Variants in MED28 observed in about 807,000 individuals in gnomAD.
The protein encoded by MED28 is mediator of RNA polymerase II transcription subunit 28.
A neutral mutation model predicts 21.3 loss-of-function variants in MED28; 26 were observed. The ratio of observed to expected loss-of-function variants is 1.22; its 90% CI spans 0.89 to 1.69. The LOEUF is 1.69. Ranked by LOEUF, MED28 falls within the 40% of genes most tolerant of loss-of-function variation. MED28 has a pLI of 0.00. For missense variants in MED28, 257 were observed against 215.4 expected, an observed-to-expected ratio of 1.19 and a Z score of -1.21; for synonymous variants, 110 against 87.6, an observed-to-expected ratio of 1.26 and a Z score of -1.43.
chr4:17,632,289 G>A lies in MED28; in HGVS notation c.*8491G>A, dbSNP rs1714977318. On this transcript the variant is annotated 3_prime_UTR_variant, in exon 4 of 4. Transcript: ENST00000237380. ...GGGGTTTCACCATATTGGCCAGGCT[G>A]GTCTCAAATTCCTGGACTCAAGCAG... is the stretch of plus-strand genomic sequence containing the variant. The A allele has an allele frequency of 3.3e-6, 1 of 303,554 alleles. No individual in the cohort carries two copies. Among genetic ancestry groups the A allele is most frequent in the East Asian group, 6.3e-5 (1 of 15,868 alleles). 18.8% of individuals were successfully genotyped at this position (303,554 alleles called of 1,614,324 possible). A position where few individuals can be genotyped will look rare whatever the true frequency, so the allele number is the denominator to read the frequency against.
chr4:17,633,921 C>A lies in MED28; in HGVS notation c.*10123C>A. 2 of 1,350,840 alleles carry A rather than the reference C, an allele frequency of 1.5e-6. No individual in the cohort carries two copies. Among genetic ancestry groups the A allele is most frequent in the South Asian group, 1.7e-5 (1 of 59,978 alleles). 83.7% of individuals were successfully genotyped at this position (1,350,840 alleles called of 1,614,324 possible). ...TATTAATGGACAGGTTAGTGCAATGCAATGCAAAAAACAAAATAAAGCATT... is the reference window on the plus strand; with the variant it reads ...TATTAATGGACAGGTTAGTGCAATGAAATGCAAAAAACAAAATAAAGCATT... On this transcript the variant is annotated 3_prime_UTR_variant, in exon 4 of 4. Transcript: ENST00000237380.
intron 2 of MED28, among the ~76,000 whole-genome samples, chr4:17,621,331 G>C (rs1212928884): frequency 6.6e-6 from 1 of 151,946 alleles, no homozygotes. Flanking sequence ...TTTTAAAGAA[G>C]ATCTCATGGC....
At chr4:17,615,324 G>A (rs1714416708) in intron 1 of MED28, among the ~76,000 whole-genome samples, 1 of 152,176 alleles carries the variant, frequency 6.6e-6, no homozygotes. Flanking sequence ...GGAGGCACAG[G>A]TGACCCAATC....
Position 17,632,875 on chromosome 4 carries a change from G to T in MED28, c.*9077G>T, listed in dbSNP as rs1715003407. 5.9e-5 allele frequency: 20 copies of T among 336,956 alleles called. 1 individual carries two copies. The South Asian group carries it at 7.5e-4, about 13-fold the overall frequency. The allele number at this position is 336,956 out of a possible 1,614,324, so 20.9% of individuals were successfully genotyped here. ...TCCATTGTTCCTTTGAGACTTAGTG[G>T]TTGTAGCTCTAATAATGCAGGATTA... On this transcript the variant is annotated 3_prime_UTR_variant, in exon 4 of 4. Coordinates refer to ENST00000237380, the MANE Select transcript of MED28 (RefSeq NM_025205.5).
rs569322568 is a variant in MED28, at chr4:17,628,468, CTTGA to C, written c.*4671_*4674del. The stretch of plus-strand genomic sequence containing the variant: ...ATCCAATCGAGTGAATCCTCACTTC[CTTGA>C]AATCACCCAACCAGGGCCAGAATCC... On this transcript the variant is annotated 3_prime_UTR_variant, in exon 4 of 4. Transcript: ENST00000237380. The C allele has an allele frequency of 1.0e-3, 156 of 152,204 alleles. No individual in the cohort carries two copies. The highest frequency in any genetic ancestry group is 3.6e-3 in the African/African-American group (149 of 41,506). The allele number at this position is 152,204 out of a possible 1,614,324, so 9.4% of individuals were successfully genotyped here.
At chr4:17,623,116 G>A (rs1714681563) in intron 3 of MED28, among the ~76,000 whole-genome samples, 1 of 152,094 alleles carries the variant, frequency 6.6e-6, no homozygotes, top group Admixed American at 6.6e-5. Context: ...AAAAATAAAC[G>A]TAGGCCGGGT....
At chr4:17,621,512 A>C (rs1714631773) in intron 2 of MED28, 75 bp from the exon 3 acceptor site, 7 of 991,622 alleles carry the variant, frequency 7.1e-6, no homozygotes, top group African/African-American at 1.7e-5. Context: ...TTACATTCTG[A>C]TTATTCATTT....
chr4:17,629,485 T>C lies in MED28; in HGVS notation c.*5687T>C, dbSNP rs930023328. On this transcript the variant is annotated 3_prime_UTR_variant, in exon 4 of 4. Coordinates refer to ENST00000237380, the MANE Select transcript of MED28 (RefSeq NM_025205.5). ...GGCTCAGGTATGTGGTGTGCAGCCA[T>C]TGACTGGGTGAATCCATTTTTACCT... 1 of 152,224 alleles carries C rather than the reference T, an allele frequency of 6.6e-6. No homozygotes were observed. Among genetic ancestry groups the C allele is most frequent in the African/African-American group, 2.4e-5 (1 of 41,460 alleles). 9.4% of individuals were successfully genotyped at this position (152,224 alleles called of 1,614,324 possible). A position where few individuals can be genotyped will look rare whatever the true frequency, so the allele number is the denominator to read the frequency against.
At position 17,633,589 on chromosome 4, in the gene MED28, G is replaced by T; in HGVS notation, c.*9791G>T. On this transcript the variant is annotated 3_prime_UTR_variant, in exon 4 of 4. Coordinates refer to ENST00000237380, the MANE Select transcript of MED28 (RefSeq NM_025205.5). Reference sequence around the variant, plus strand: ...CTTGTCTAATCATCCATGAAAAAAGGCCTTCTGGAATTTGGTACCAGGTGC... The same window carrying T: ...CTTGTCTAATCATCCATGAAAAAAGTCCTTCTGGAATTTGGTACCAGGTGC... The T allele has an allele frequency of 9.1e-7, 1 of 1,100,880 alleles. No individual in the cohort carries two copies. Among genetic ancestry groups the T allele is most frequent in the Non-Finnish European group, 1.2e-6 (1 of 812,708 alleles). The allele number at this position is 1,100,880 out of a possible 1,614,324, so 68.2% of individuals were successfully genotyped here. A position where few individuals can be genotyped will look rare whatever the true frequency, so the allele number is the denominator to read the frequency against.
At chr4:17,621,471 T>C in intron 2 of MED28, 116 bp from the exon 3 acceptor site, 1 of 644,534 alleles carries the variant, frequency 1.6e-6, no homozygotes, top group Non-Finnish European at 2.6e-6. Context: ...AAGATTAAAA[T>C]CCCTGAGTTG....
At position 17,633,010 on chromosome 4, in the gene MED28, C is replaced by T. The variant is rs2108924353; in HGVS notation, c.*9212C>T. Reference sequence around the variant, plus strand: ...GATCTCGGCTCACTGCAACCTCCAGCCTCCTGCGTTCAAGCGATCATTGTG... The same window carrying T: ...GATCTCGGCTCACTGCAACCTCCAGTCTCCTGCGTTCAAGCGATCATTGTG... On this transcript the variant is annotated 3_prime_UTR_variant, in exon 4 of 4. Coordinates refer to ENST00000237380, the MANE Select transcript of MED28 (RefSeq NM_025205.5). 6.2e-6 allele frequency: 1 copy of T among 161,506 alleles called. No individual in the cohort carries two copies. The highest frequency in any genetic ancestry group is 2.4e-5 in the African/African-American group (1 of 41,772). 10.0% of individuals were successfully genotyped at this position (161,506 alleles called of 1,614,324 possible). A position where few individuals can be genotyped will look rare whatever the true frequency, so the allele number is the denominator to read the frequency against.
At position 17,614,679 on chromosome 4, in the gene MED28, T is replaced by G. The variant is rs746197248; in HGVS notation, c.25T>G (p.Phe9Val). 2 of 1,613,046 alleles carry G rather than the reference T, an allele frequency of 1.2e-6. No individual in the cohort carries two copies. The highest frequency in any genetic ancestry group is 2.2e-5 in the East Asian group (1 of 44,862). Residue 9 changes from phenylalanine to valine, a missense_variant, in exon 1 of 4, where the codon TTT becomes GTT. By Grantham distance (50) the Phe-to-Val change is conservative (BLOSUM62 -1). Transcript: ENST00000237380. ...CATGGCGGCTCCACTAGGGGGTATG[T>G]TTTCTGGGCAGCCACCCGGTCCCCC... MAAPLGGM[F>V]SGQPPGPPQA... is the part of the protein sequence containing the mutation.
intron 2 of MED28, among the ~76,000 whole-genome samples, chr4:17,620,825 C>T (rs1199354928): frequency 1.3e-5 from 2 of 151,712 alleles, no homozygotes; most frequent in African/African-American, 4.8e-5. Flanking sequence ...ATTTCAGCCC[C>T]CCAGTAGCTG....
rs537338414 is a variant in MED28, at chr4:17,630,873, A to G, written c.*7075A>G. ...ATCTAATTTTACCTTTCTGTGGAAA[A>G]TCAATACAAGTCAACCATTTTTATT... On this transcript the variant is annotated 3_prime_UTR_variant, in exon 4 of 4. Transcript: ENST00000237380. 2.0e-5 allele frequency: 3 copies of G among 152,258 alleles called. No individual in the cohort carries two copies. Among genetic ancestry groups the G allele is most frequent in the Admixed American group, 6.5e-5 (1 of 15,290 alleles). The allele number at this position is 152,258 out of a possible 1,614,324, so 9.4% of individuals were successfully genotyped here.
Position 17,625,960 on chromosome 4 carries a change from T to G in MED28, c.*2162T>G. ...ATTTTGTAAATGATCCCATTCAGTC[T>G]TCTAGAAGCCTTATAACAGAATCAA... is the stretch of plus-strand genomic sequence containing the variant. On this transcript the variant is annotated 3_prime_UTR_variant, in exon 4 of 4. Transcript: ENST00000237380. 5.6e-6 allele frequency: 1 copy of G among 178,100 alleles called. No homozygotes were observed. Among genetic ancestry groups the G allele is most frequent in the South Asian group, 1.1e-4 (1 of 9,408 alleles). The allele number at this position is 178,100 out of a possible 1,614,324, so 11.0% of individuals were successfully genotyped here.
chr4:17,615,600 A>G (rs930781501), intron 1 of MED28, among the ~76,000 whole-genome samples: 1 of 152,100 alleles, frequency 6.6e-6, no homozygotes, highest in Non-Finnish European at 1.5e-5. Context: ...TCATGAGGTC[A>G]GGAGTTCGAG....
Sources: allele counts gnomAD v4.1 joint callset (sites outside exome capture counted in the v4.1 genomes callset), GRCh38; gene constraint gnomAD v4.1.1; transcripts MANE v1.5; gene names NCBI Gene and HGNC (gene_info 2026-07-23, HGNC 2026-07-21).